XYLB: variants seen among roughly 807,000 people sequenced by gnomAD.
XYLB encodes the protein xylulokinase, also known as xylulose kinase.
In XYLB, 62 loss-of-function variants were observed where a neutral mutation model predicts 78.7. The observed-to-expected ratio is 0.79, with a 90% CI of 0.64 to 0.97. The LOEUF is 0.97. Among genes scored for constraint, XYLB ranks in the 50% least tolerant of loss-of-function variants. XYLB has a pLI of 0.00. For missense variants in XYLB, 687 were observed against 676.8 expected (o/e 1.02, Z -0.17); for synonymous variants, 245 against 247.4 (o/e 0.99, Z 0.09).
At chr3:38,407,459 G>A (rs1472440404) in intron 18 of XYLB, among the ~76,000 whole-genome samples, 3 of 152,202 alleles carry the variant, frequency 2.0e-5, no homozygotes, top group African/African-American at 7.2e-5. Context: ...TCGAGGCTAG[G>A]AAGAAACTGC....
At chr3:38,400,735 A>G (rs1708086815) in intron 17 of XYLB, among the ~76,000 whole-genome samples, 156 bp from the exon 18 acceptor site, 1 of 152,190 alleles carries the variant, frequency 6.6e-6, no homozygotes, top group Non-Finnish European at 1.5e-5. Context: ...TTAAGTGTCC[A>G]ATTCATTGAT....
At chr3:38,432,644 C>T in the XYLB span, among the ~76,000 whole-genome samples, 1 of 152,128 alleles carries the variant, frequency 6.6e-6, no homozygotes, top group Non-Finnish European at 1.5e-5. Context: ...AGACATTGGC[C>T]AAAACAAAGG....
At chr3:38,410,740 C>G (rs1708544392) in intron 18 of XYLB, among the ~76,000 whole-genome samples, 2 of 152,054 alleles carry the variant, frequency 1.3e-5, no homozygotes, top group African/African-American at 4.8e-5. Context: ...AGACACTTCT[C>G]AAAAGAAGAC....
chr3:38,432,535 C>T, the XYLB span, among the ~76,000 whole-genome samples: 2 of 152,076 alleles, frequency 1.3e-5, no homozygotes, highest in Admixed American at 1.3e-4. Context: ...ACCCTGCACT[C>T]CTGCCTGGTG....
intron 10 of XYLB, among the ~76,000 whole-genome samples, 193 bp downstream of exon 10, chr3:38,372,929 C>T (rs1172695798): frequency 2.6e-5 from 4 of 152,132 alleles, no homozygotes; most frequent in Non-Finnish European, 4.4e-5. Flanking sequence ...ACCACTCCCA[C>T]CCTGCGATCT....
chr3:38,403,262 C>G (rs1005077469), intron 18 of XYLB, among the ~76,000 whole-genome samples: 2 of 150,684 alleles, frequency 1.3e-5, no homozygotes, highest in Non-Finnish European at 2.9e-5. Flanking sequence ...CCACTGCACT[C>G]CAGCCTGGGC....
chr3:38,436,827 A>T, the XYLB span, among the ~76,000 whole-genome samples: 1 of 151,894 alleles, frequency 6.6e-6, no homozygotes, highest in South Asian at 2.1e-4. Flanking sequence ...AACATGGTGA[A>T]AACCCATCTC....
In XYLB at chr3:38,359,242, T is replaced by A. The variant is rs143216397; in HGVS notation, c.141-1097T>A. On this transcript the variant is annotated intron_variant, in intron 2 of 18. Transcript: ENST00000207870. ...GCTGATTATCTGCAGCAGGAACATGTCCGTAAGGCACAGATCGCTTATGCC... is the reference window on the plus strand; with the variant it reads ...GCTGATTATCTGCAGCAGGAACATGACCGTAAGGCACAGATCGCTTATGCC... Among the ~76,000 whole-genome samples, 881 of 152,348 alleles carry A rather than the reference T, an allele frequency of 5.8e-3. 7 individuals are homozygous for A. The highest frequency in any genetic ancestry group is 0.02 in the African/African-American group (830 of 41,578).
rs183013892 is a variant in XYLB, at chr3:38,396,769, C to T, written c.1351-303C>T. On this transcript the variant is annotated intron_variant, in intron 16 of 18. Coordinates refer to ENST00000207870, the MANE Select transcript of XYLB (RefSeq NM_005108.4). ...GTCTAATACCCAGCTGTCTCCAGCC[C>T]TAGGTCAGTGCCATTTGCTAAACAT... Among the ~76,000 whole-genome samples, 4 of 152,282 alleles carry T rather than the reference C, an allele frequency of 2.6e-5. No individual in the cohort carries two copies. In the East Asian group the frequency reaches 7.7e-4, roughly 29 times the overall value.
rs142748816 is a variant in XYLB, at chr3:38,381,620, C to T, written c.1291+2278C>T. ...CCCTGAAAAAGAGAATGTGCGCCTG[C>T]GGGTAGGTCTCTGAACTGGCCCCCC... On this transcript the variant is annotated intron_variant, in intron 15 of 18. Transcript: ENST00000207870. 3.8e-3 allele frequency among the ~76,000 whole-genome samples: 572 copies of T among 152,330 alleles called. 2 individuals are homozygous for T. The highest frequency in any genetic ancestry group is 0.014 in the Middle Eastern group (4 of 294).
At chr3:38,372,113 T>A (rs999615832) in intron 9 of XYLB, among the ~76,000 whole-genome samples, 1 of 152,206 alleles carries the variant, frequency 6.6e-6, no homozygotes, top group Non-Finnish European at 1.5e-5. Flanking sequence ...TCAAGACCCA[T>A]GTTTTTCGTC....
At chr3:38,420,721 T>A (rs1424837760), downstream of XYLB, among the ~76,000 whole-genome samples, 1 of 106,024 alleles carries the variant, frequency 9.4e-6, no homozygotes, top group Non-Finnish European at 2.3e-5. Flanking sequence ...TCAAAGAATA[T>A]CCCCCTTTTT....
intron 9 of XYLB, among the ~76,000 whole-genome samples, chr3:38,371,225 C>T (rs1379088525): frequency 6.6e-6 from 1 of 152,130 alleles, no homozygotes; most frequent in Non-Finnish European, 1.5e-5. Context: ...CCTCCTGCCT[C>T]AGCTTCCTGA....
chr3:38,371,275 A>AT (rs59659938), intron 9 of XYLB, among the ~76,000 whole-genome samples: 7 of 138,944 alleles, frequency 5.0e-5, no homozygotes, highest in African/African-American at 1.1e-4. Context: ...TGCACAGCTA[A>AT]TTTTTTTTTT....
Position 38,346,822 on chromosome 3 carries a change from G to A in XYLB, c.-47G>A, listed in dbSNP as rs950588772. ...TGGAGCGCGGCGACTATCACGCCGC[G>A]TGGCGGACGGACGGACTGACGGACG... On this transcript the variant is annotated 5_prime_UTR_variant, in exon 1 of 19. In the 5' UTR this introduces an upstream ATG that the reference lacks. Transcript: ENST00000207870. 9 of 1,468,324 alleles carry A rather than the reference G, an allele frequency of 6.1e-6. No individual in the cohort carries two copies. In the Admixed American group the frequency reaches 9.3e-5, roughly 15 times the overall value. 91.0% of individuals were successfully genotyped at this position (1,468,324 alleles called of 1,614,324 possible). A position where few individuals can be genotyped will look rare whatever the true frequency, so the allele number is the denominator to read the frequency against.
chr3:38,445,612 AT>A, the XYLB span, among the ~76,000 whole-genome samples: 1 of 152,226 alleles, frequency 6.6e-6, no homozygotes, highest in Non-Finnish European at 1.5e-5. Context: ...GTCAACCAAC[AT>A]TTTGTTGGGA....
downstream of XYLB, among the ~76,000 whole-genome samples, chr3:38,416,736 A>G (rs1285113822): frequency 6.6e-6 from 1 of 152,226 alleles, no homozygotes; most frequent in African/African-American, 2.4e-5. Context: ...TGAAGGATAC[A>G]TTAAAATGCT....
chr3:38,402,536 G>A (rs1708161193), intron 18 of XYLB, among the ~76,000 whole-genome samples: 3 of 152,166 alleles, frequency 2.0e-5, no homozygotes, highest in South Asian at 4.1e-4. Flanking sequence ...GAGGCCACTC[G>A]ATACACTGGA....
At chr3:38,434,813 G>T in the XYLB span, among the ~76,000 whole-genome samples, 25 of 152,286 alleles carry the variant, frequency 1.6e-4, no homozygotes, top group East Asian at 4.8e-3. Flanking sequence ...GAATGAAAAT[G>T]GTTTAAATTC....
Sources: gnomAD v4.1 joint callset for allele counts (sites outside exome capture counted in the v4.1 genomes callset) on GRCh38, gnomAD v4.1.1 for gene constraint, MANE v1.5 for transcripts, NCBI Gene and HGNC (gene_info 2026-07-23, HGNC 2026-07-21) for gene names.